DOCK10: variants seen among roughly 807,000 people sequenced by gnomAD.
The protein encoded by DOCK10 is dedicator of cytokinesis protein 10.
In DOCK10, 145 loss-of-function variants were observed where a neutral mutation model predicts 280.1. That is an observed-to-expected ratio of 0.52 (90% confidence interval 0.45 to 0.59). The LOEUF is 0.59. Ranked by LOEUF, DOCK10 falls within the 20% of genes least tolerant of loss-of-function variation. The pLI is 0.00. For missense variants in DOCK10, 2,368 were observed against 2,651.7 expected, an observed-to-expected ratio of 0.89 and a Z score of 2.35; for synonymous variants, 915 against 942.2, an observed-to-expected ratio of 0.97 and a Z score of 0.53.
chr2:224,797,197 C>T, intron 42 of DOCK10, 51 bp from the exon 43 acceptor site: 3 of 1,342,474 alleles, frequency 2.2e-6, no homozygotes, highest in South Asian at 1.7e-5. Flanking sequence ...TCATTTTGCT[C>T]TGTTCATTCT....
intron 39 of DOCK10, 22 bp from the exon 40 acceptor site, chr2:224,802,062 T>C (rs369261328): frequency 6.2e-7 from 1 of 1,609,158 alleles, no homozygotes; most frequent in Non-Finnish European, 8.5e-7. Flanking sequence ...AAAAGAAAAG[T>C]GGTTAGAGTT....
rs371799523 is a variant in DOCK10 at position 224,855,056 on chromosome 2, T to C, written c.1809-14A>G. 26 of 1,253,870 alleles carry C rather than the reference T, an allele frequency of 2.1e-5. No homozygotes were observed. In the African/African-American group the frequency reaches 5.0e-4, roughly 24 times the overall value. 77.7% of individuals were successfully genotyped at this position (1,253,870 alleles called of 1,614,324 possible). The stretch of plus-strand genomic sequence containing the variant: ...ATTCTGTCGGCCCTGTAAGAGTGCA[T>C]GAGCAAGGACACACACACACACACA... On this transcript the variant is annotated splice_polypyrimidine_tract_variant and intron_variant, in intron 15 of 55. Coordinates refer to ENST00000258390, the MANE Select transcript of DOCK10 (RefSeq NM_014689.3).
chr2:225,039,719 C>T (rs1690364703), intron 1 of DOCK10, among the ~76,000 whole-genome samples: 1 of 151,942 alleles, frequency 6.6e-6, no homozygotes, highest in Non-Finnish European at 1.5e-5. Flanking sequence ...TCTCTGTATA[C>T]ACACCCCATT....
At chr2:224,872,521 G>A (rs938078170) in intron 11 of DOCK10, among the ~76,000 whole-genome samples, 3 of 151,942 alleles carry the variant, frequency 2.0e-5, no homozygotes, top group African/African-American at 7.3e-5. Context: ...ACCTTATCCT[G>A]CTCTACACCT....
intron 25 of DOCK10, among the ~76,000 whole-genome samples, chr2:224,835,829 T>A (rs1695557592): frequency 6.6e-6 from 1 of 152,258 alleles, no homozygotes; most frequent in Admixed American, 6.5e-5. Flanking sequence ...AAATTCCACA[T>A]AGGTGTATTT....
At position 224,865,094 on chromosome 2, in the gene DOCK10, G is replaced by C; in HGVS notation, c.1258-7C>G. On this transcript the variant is annotated splice_polypyrimidine_tract_variant and splice_region_variant and intron_variant, in intron 11 of 55. Coordinates refer to ENST00000258390, the MANE Select transcript of DOCK10 (RefSeq NM_014689.3). ...TCACAAAAAAAGGCTCAATCTGCATGAAAAAGAAAGAACAGATGTTTTTGA... is the reference window on the plus strand; with the variant it reads ...TCACAAAAAAAGGCTCAATCTGCATCAAAAAGAAAGAACAGATGTTTTTGA... 2 of 1,610,956 alleles carry C rather than the reference G, an allele frequency of 1.2e-6. No individual in the cohort carries two copies. The highest frequency in any genetic ancestry group is 1.7e-6 in the Non-Finnish European group (2 of 1,178,384).
At chr2:224,906,241 C>T (rs1053115872) in intron 3 of DOCK10, among the ~76,000 whole-genome samples, 11 of 152,074 alleles carry the variant, frequency 7.2e-5, no homozygotes, top group Non-Finnish European at 1.5e-4. Context: ...ATCGCATAGC[C>T]ACACAGCTCT....
chr2:224,984,687 A>G (rs1199465750), intron 1 of DOCK10, among the ~76,000 whole-genome samples: 2 of 152,184 alleles, frequency 1.3e-5, no homozygotes, highest in Non-Finnish European at 2.9e-5. Flanking sequence ...TTTTCTCATG[A>G]AAGATTCCAA....
At chr2:224,788,241 AT>A (rs1008863361) in intron 48 of DOCK10, among the ~76,000 whole-genome samples, 1 of 151,804 alleles carries the variant, frequency 6.6e-6, no homozygotes, top group Admixed American at 6.6e-5. Flanking sequence ...ATTATGCCTT[AT>A]TTTTTTTCCC....
rs375214400 is a variant in DOCK10, at chr2:224,845,648, A to T, written c.2236-6T>A. ...GTTGGTAGCTCAATTTTCACCTGCA[A>T]CGAAAGAAACCATAGTTGGACTGAG... is the stretch of plus-strand genomic sequence containing the variant. On this transcript the variant is annotated splice_region_variant and splice_polypyrimidine_tract_variant and intron_variant, in intron 19 of 55. Transcript: ENST00000258390. The T allele has an allele frequency of 1.0e-5, 16 of 1,607,256 alleles. No individual in the cohort carries two copies. Among genetic ancestry groups the T allele is most frequent in the Non-Finnish European group, 1.3e-5 (15 of 1,177,550 alleles).
intron 1 of DOCK10, among the ~76,000 whole-genome samples, chr2:224,981,796 A>G (rs373149639): frequency 6.6e-6 from 1 of 152,256 alleles, no homozygotes; most frequent in East Asian, 1.9e-4. Context: ...AGATCCAACT[A>G]TCAGCATCTA....
intron 3 of DOCK10, among the ~76,000 whole-genome samples, chr2:224,905,890 A>G (rs1044799977): frequency 6.6e-6 from 1 of 151,958 alleles, no homozygotes; most frequent in Non-Finnish European, 1.5e-5. Flanking sequence ...TTCCAGCCCA[A>G]TTCTCTGGTG....
intron 1 of DOCK10, among the ~76,000 whole-genome samples, chr2:224,942,903 T>C (rs1428428342): frequency 6.6e-6 from 1 of 152,224 alleles, no homozygotes; most frequent in Non-Finnish European, 1.5e-5. Flanking sequence ...TTTATTTAAA[T>C]ATGTTCATAT....
chr2:225,005,711 C>T (rs1300650432), intron 1 of DOCK10, among the ~76,000 whole-genome samples: 1 of 152,202 alleles, frequency 6.6e-6, no homozygotes, highest in African/African-American at 2.4e-5. Flanking sequence ...TAAGCCCAAG[C>T]CCACTCGGTC....
intron 1 of DOCK10, among the ~76,000 whole-genome samples, chr2:225,016,611 A>ATATCTATGTGCACATAGATATATG (rs1689604080): frequency 1.2e-5 from 1 of 83,792 alleles, no homozygotes; most frequent in African/African-American, 4.9e-5. Flanking sequence ...ATAGATACAT[A>ATATCTATGTGCACATAGATATATG]TATCTATGTG....
At chr2:224,892,418 A>AAAG (rs1349158211) in intron 4 of DOCK10, among the ~76,000 whole-genome samples, 1 of 111,314 alleles carries the variant, frequency 9.0e-6, no homozygotes, top group African/African-American at 4.3e-5. Context: ...AAAAAAAAAA[A>AAAG]AAAAGAAAGA....
intron 1 of DOCK10, among the ~76,000 whole-genome samples, chr2:225,015,140 C>G (rs1363604729): frequency 2.6e-5 from 4 of 152,078 alleles, no homozygotes; most frequent in Admixed American, 1.3e-4. Context: ...GAATTTAGTG[C>G]ATGTTACAAA....
chr2:224,815,403 T>TA (rs991291455), intron 30 of DOCK10, among the ~76,000 whole-genome samples: 3 of 152,050 alleles, frequency 2.0e-5, no homozygotes, highest in African/African-American at 7.2e-5. Context: ...AATGACCAAA[T>TA]AAAGATTTGG....
intron 42 of DOCK10, 67 bp downstream of exon 42, chr2:224,797,765 T>C (rs1692684178): frequency 5.9e-6 from 9 of 1,532,258 alleles, no homozygotes; most frequent in Middle Eastern, 3.5e-4. Flanking sequence ...AGGATTCCTA[T>C]AGGTTTACTA....
Sources: allele counts gnomAD v4.1 joint callset (sites outside exome capture counted in the v4.1 genomes callset), GRCh38; gene constraint gnomAD v4.1.1; transcripts MANE v1.5; gene names NCBI Gene and HGNC (gene_info 2026-07-23, HGNC 2026-07-21).